HUS1: variants seen among roughly 807,000 people sequenced by gnomAD.
The protein encoded by HUS1 is HUS1 checkpoint clamp component.
In HUS1, 31 loss-of-function variants were observed where a neutral mutation model predicts 32.6. The ratio of observed to expected loss-of-function variants is 0.95; its 90% confidence interval spans 0.72 to 1.28. HUS1 has a LOEUF of 1.28. HUS1 is among the 50% of genes most tolerant of loss of function. The pLI, the probability that HUS1 is intolerant of heterozygous loss-of-function variation, is 0.00. For missense variants in HUS1, 340 were observed against 337.7 expected, an observed-to-expected ratio of 1.01 and a Z score of -0.05; for synonymous variants, 123 against 116.6, an observed-to-expected ratio of 1.06 and a Z score of -0.36.
At chr7:47,967,579 G>A (rs1387672587) in intron 7 of HUS1, among the ~76,000 whole-genome samples, 2 of 152,040 alleles carry the variant, frequency 1.3e-5, no homozygotes, top group African/African-American at 4.8e-5. Flanking sequence ...CAGGTTTCAG[G>A]CCCTAACAGA....
intron 7 of HUS1, among the ~76,000 whole-genome samples, chr7:47,966,728 G>A (rs569820754): frequency 6.6e-6 from 1 of 152,180 alleles, no homozygotes; most frequent in East Asian, 1.9e-4. Context: ...CACCTTTAAG[G>A]ACCCTGCACT....
chr7:47,970,750 T>G lies in HUS1; in HGVS notation c.541-1432A>C, dbSNP rs142785330. 2.9e-3 allele frequency among the ~76,000 whole-genome samples: 447 copies of G among 152,298 alleles called. 5 individuals carry two copies. Among genetic ancestry groups the G allele is most frequent in the African/African-American group, 0.01 (416 of 41,542 alleles). ...AAAATGGGAAAAATCCCCAGGGTAT[T>G]TAGTCCCCACTTTCAAATGAATAAA... On this transcript the variant is annotated intron_variant, in intron 5 of 7. Coordinates refer to ENST00000258774, the MANE Select transcript of HUS1 (RefSeq NM_004507.4).
intron 5 of HUS1, among the ~76,000 whole-genome samples, chr7:47,972,456 A>C (rs1788618011): frequency 6.6e-6 from 1 of 152,188 alleles, no homozygotes; most frequent in Non-Finnish European, 1.5e-5. Context: ...TACTGAAGAA[A>C]CTAACAAACA....
intron 5 of HUS1, chr7:47,971,355 G>A: frequency 2.7e-6 from 1 of 377,072 alleles, no homozygotes; most frequent in South Asian, 2.0e-5. Flanking sequence ...ACACGCCCAG[G>A]CTACCAGACT....
Position 47,975,688 on chromosome 7 carries a change from C to T in HUS1, c.466-1G>A, listed in dbSNP as rs919636793. On this transcript the variant is annotated splice_acceptor_variant, in intron 4 of 7. Coordinates refer to ENST00000258774, the MANE Select transcript of HUS1 (RefSeq NM_004507.4). LOFTEE classifies it high-confidence loss of function. ...TCAAGACTGGTAAATAAATACTAAC[C>T]TACAAAACCAATGAGAAAAAAGCAC... 1 of 1,562,980 alleles carries T rather than the reference C, an allele frequency of 6.4e-7. No homozygotes were observed. Among genetic ancestry groups the T allele is most frequent in the Admixed American group, 1.8e-5 (1 of 56,498 alleles).
chr7:47,976,564 A>G, intron 4 of HUS1, 166 bp downstream of exon 4: 1 of 638,458 alleles, frequency 1.6e-6, no homozygotes, highest in Non-Finnish European at 2.9e-6. Context: ...TATCATATGC[A>G]ACATTTTTAA....
chr7:47,964,549 T>G lies in HUS1; in HGVS notation c.*807A>C, dbSNP rs1024454729. ...CATCAAAGAAATATGGTCTCATCAC[T>G]TAACACAGATGATACCTTAGAAGTT... On this transcript the variant is annotated 3_prime_UTR_variant, in exon 8 of 8. Transcript: ENST00000258774. The G allele has an allele frequency of 6.6e-6, 1 of 152,208 alleles. No individual in the cohort carries two copies. The allele number at this position is 152,208 out of a possible 1,614,324, so 9.4% of individuals were successfully genotyped here.
intron 5 of HUS1, among the ~76,000 whole-genome samples, chr7:47,975,056 G>A (rs1788672266): frequency 6.6e-6 from 1 of 152,292 alleles, no homozygotes; most frequent in African/African-American, 2.4e-5. Context: ...GCTCACGCCT[G>A]TAATCCCAGT....
chr7:47,970,948 T>A (rs1788586711), intron 5 of HUS1, among the ~76,000 whole-genome samples: 1 of 152,168 alleles, frequency 6.6e-6, no homozygotes, highest in African/African-American at 2.4e-5. Context: ...AGGCTTTTAA[T>A]AACCAAAAAA....
chr7:47,978,412 C>G lies in HUS1; in HGVS notation c.357+5G>C, dbSNP rs773571934. ...TGTGTTAGAAACCCTGACTCTCCTA[C>G]TCACCAGCTCCACGGAGACCGTGAG... On this transcript the variant is annotated splice_donor_5th_base_variant and intron_variant, in intron 3 of 7. Transcript: ENST00000258774. 6.2e-7 allele frequency: 1 copy of G among 1,611,748 alleles called. No homozygotes were observed.
intron 5 of HUS1, among the ~76,000 whole-genome samples, chr7:47,969,681 GGA>G (rs1341897334): frequency 3.9e-5 from 6 of 152,270 alleles, no homozygotes; most frequent in African/African-American, 9.6e-5. Context: ...CCTCACAGCA[GGA>G]GAGAGTCCTG....
At chr7:47,965,547 G>A (rs763071606) in intron 7 of HUS1, 109 bp from the exon 8 acceptor site, 6 of 712,130 alleles carry the variant, frequency 8.4e-6, no homozygotes, top group Non-Finnish European at 1.2e-5. Flanking sequence ...TTAGGCATCT[G>A]TCTTCCCTGA....
intron 5 of HUS1, 119 bp from the exon 6 acceptor site, chr7:47,969,437 C>CA: frequency 1.6e-6 from 1 of 644,064 alleles, no homozygotes. Context: ...CAAAACACCT[C>CA]AGAGCACACT....
At position 47,969,298 on chromosome 7, in the gene HUS1, A is replaced by C; in HGVS notation, c.561T>G (p.Asp187Glu). Residue 187 changes from aspartate (D) to glutamate (E), a missense_variant, in exon 6 of 8, where the codon GAT (aspartate) becomes GAG (glutamate). Asp to Glu is a conservative substitution (Grantham distance 45). Coordinates refer to ENST00000258774, the MANE Select transcript of HUS1 (RefSeq NM_004507.4). Reference protein sequence around the residue: ...SNHLVIEANLDGELNLKIETE... With the variant: ...SNHLVIEANLEGELNLKIETE... ...TTTCTATTTTCAAATTCAATTCTCC[A>C]TCTAGGTTTGCTTCAATAACCTGCA... 6.3e-7 allele frequency: 1 copy of C among 1,587,608 alleles called. No homozygotes were observed. Among genetic ancestry groups the C allele is most frequent in the South Asian group, 1.1e-5 (1 of 89,346 alleles).
chr7:47,974,151 T>C (rs1233510591), intron 5 of HUS1, among the ~76,000 whole-genome samples: 1 of 152,234 alleles, frequency 6.6e-6, no homozygotes, highest in Admixed American at 6.5e-5. Context: ...CAAAATACTT[T>C]TGTGATTTCA....
intron 6 of HUS1, chr7:47,968,998 G>C: frequency 2.0e-6 from 1 of 500,158 alleles, no homozygotes; most frequent in Non-Finnish European, 3.5e-6. Context: ...ACCCTGCACA[G>C]ATCTGTCAGC....
Position 47,965,268 on chromosome 7 carries a change from G to A in HUS1, c.*88C>T. 1.2e-6 allele frequency: 1 copy of A among 836,850 alleles called. No homozygotes were observed. The highest frequency in any genetic ancestry group is 2.1e-6 in the Non-Finnish European group (1 of 479,732). 51.8% of individuals were successfully genotyped at this position (836,850 alleles called of 1,614,324 possible). ...ACAGTGTGTCGATGTGCGGTGCTGT[G>A]AGGGCACAGACCAGTGATCAGAACA... On this transcript the variant is annotated 3_prime_UTR_variant, in exon 8 of 8. Transcript: ENST00000258774.
rs1200193153 is a variant in HUS1 at position 47,963,537 on chromosome 7, G to C, written c.*1819C>G. The stretch of plus-strand genomic sequence containing the variant: ...GGAATTAATTTCGTTACAATGAGAG[G>C]AGGAAGGGTTTAAAAATTAAAACGG... On this transcript the variant is annotated 3_prime_UTR_variant, in exon 8 of 8. Coordinates refer to ENST00000258774, the MANE Select transcript of HUS1 (RefSeq NM_004507.4). 1 of 152,172 alleles carries C rather than the reference G, an allele frequency of 6.6e-6. No individual in the cohort carries two copies. The highest frequency in any genetic ancestry group is 1.5e-5 in the Non-Finnish European group (1 of 68,030). 9.4% of individuals were successfully genotyped at this position (152,172 alleles called of 1,614,324 possible).
intron 2 of HUS1, 39 bp from the exon 3 acceptor site, chr7:47,978,632 T>C (rs1435836868): frequency 1.2e-6 from 2 of 1,612,726 alleles, no homozygotes; most frequent in Non-Finnish European, 1.7e-6. Flanking sequence ...AGGGTATATG[T>C]GATCTTTCCA....
Sources: gnomAD v4.1 joint callset for allele counts (sites outside exome capture counted in the v4.1 genomes callset) on GRCh38, gnomAD v4.1.1 for gene constraint, MANE v1.5 for transcripts, NCBI Gene and HGNC (gene_info 2026-07-23, HGNC 2026-07-21) for gene names.